Variants in MCM4 observed in about 807,000 individuals in gnomAD.
MCM4 encodes minichromosome maintenance complex component 4.
Under a neutral mutation model 88.7 loss-of-function variants are expected in MCM4, and 60 were observed. The ratio of observed to expected loss-of-function variants is 0.68; its 90% CI spans 0.55 to 0.84. The LOEUF is 0.84. MCM4 is among the 40% of genes least tolerant of loss of function. The pLI, the probability that MCM4 is intolerant of heterozygous loss-of-function variation, is 0.00. For synonymous variants in MCM4, 465 were observed against 410.5 expected (o/e 1.13, Z -1.61); for missense variants, 1,149 against 1,105.5 (o/e 1.04, Z -0.56).
At chr8:47,963,847 A>G (rs900396784) in intron 7 of MCM4, among the ~76,000 whole-genome samples, 1 of 152,256 alleles carries the variant, frequency 6.6e-6, no homozygotes, top group African/African-American at 2.4e-5. Flanking sequence ...ACCTTGGTCA[A>G]GTTCCTTAGC....
Position 47,975,782 on chromosome 8 carries a change from T to C in MCM4, c.2433T>C (p.Ser811=), listed in dbSNP as rs760217666. 1.3e-6 allele frequency: 2 copies of C among 1,588,982 alleles called. No homozygotes were observed. The highest frequency in any genetic ancestry group is 2.7e-5 in the African/African-American group (2 of 73,630). Residue 811 remains serine, a synonymous_variant, in exon 16 of 17, where the codon TCT becomes TCC. Transcript: ENST00000649973. ...LAEALKKLIL[S]KGKTPALKYQ... is the part of the protein sequence containing the mutation. ...AAGCATTGAAAAAGCTTATTTTATCTAAGGGCAAAACACCAGCTCTAAAAT... is the reference window on the plus strand; with the variant it reads ...AAGCATTGAAAAAGCTTATTTTATCCAAGGGCAAAACACCAGCTCTAAAAT...
In MCM4 at chr8:47,968,783, T is replaced by C. The variant is rs536956735; in HGVS notation, c.1175-1015T>C. Among the ~76,000 whole-genome samples, 440 of 152,338 alleles carry C rather than the reference T, an allele frequency of 2.9e-3. 3 individuals are homozygous for C. The highest frequency in any genetic ancestry group is 0.01 in the African/African-American group (431 of 41,574). On this transcript the variant is annotated intron_variant, in intron 10 of 16. Coordinates refer to ENST00000649973, the MANE Select transcript of MCM4 (RefSeq NM_182746.3). ...TGTAACGGGGAAAGGCCAGGCTTTC[T>C]CCAAAAGCTGCAGGAATCAGCCTGG...
chr8:47,972,982 CGGT>C lies in MCM4; in HGVS notation c.2056_2058del (p.Val686del). On this transcript the variant is annotated inframe_deletion, in exon 14 of 17. Transcript: ENST00000649973. Reference sequence around the variant, plus strand: ...GCAGAGGAGGAGCTCCTGGACATGGCGGTGCTAAAGGACTACATTGCCTACGCG... The same window carrying C: ...GCAGAGGAGGAGCTCCTGGACATGGCGCTAAAGGACTACATTGCCTACGCG... The C allele has an allele frequency of 6.2e-7, 1 of 1,614,086 alleles. No individual in the cohort carries two copies. The highest frequency in any genetic ancestry group is 8.5e-7 in the Non-Finnish European group (1 of 1,180,002).
At chr8:47,971,612 C>T (rs1414437707) in intron 13 of MCM4, 144 bp downstream of exon 13, 5 of 816,560 alleles carry the variant, frequency 6.1e-6, no homozygotes, top group East Asian at 2.7e-5. Flanking sequence ...AGAGTTTTCA[C>T]GACAAGGATG....
intron 16 of MCM4, 36 bp from the exon 17 acceptor site, chr8:47,976,650 C>A: frequency 7.0e-7 from 1 of 1,425,610 alleles, no homozygotes; most frequent in Non-Finnish European, 9.9e-7. Flanking sequence ...AGGGACTTGA[C>A]GTGTACAATA....
chr8:47,974,279 G>A (rs1212405989), intron 14 of MCM4: 1 of 158,764 alleles, frequency 6.3e-6, no homozygotes, highest in Non-Finnish European at 1.4e-5. Flanking sequence ...ATCTGTATGT[G>A]AAATTGATAC....
chr8:47,971,233 G>A, intron 12 of MCM4, 108 bp from the exon 13 acceptor site: 4 of 1,329,488 alleles, frequency 3.0e-6, no homozygotes, highest in Non-Finnish European at 4.2e-6. Flanking sequence ...TCAGGCAATA[G>A]AAACTCAGTG....
chr8:47,966,475 C>G, intron 9 of MCM4, 68 bp downstream of exon 9: 1 of 1,446,832 alleles, frequency 6.9e-7, no homozygotes. Flanking sequence ...CCAACTATAA[C>G]TTGTCCCTCG....
In MCM4 at chr8:47,962,062, T is replaced by A. The variant is rs762877087; in HGVS notation, c.245T>A (p.Leu82His). ...PPQMHSSAIP[L>H]DFDVSSPLTY... Reference sequence around the variant, plus strand: ...AATTTTGTTTTTATAGCTATCCCTCTTGACTTTGATGTTAGTTCACCACTG... The same window carrying A: ...AATTTTGTTTTTATAGCTATCCCTCATGACTTTGATGTTAGTTCACCACTG... Residue 82 changes from leucine to histidine, a missense_variant, in exon 4 of 17, where the codon CTT (leucine) becomes CAT (histidine). Physicochemically the swap from Leu to His is moderately conservative, Grantham distance 99. This residue lies in a region of MCM4 where 906 missense variants were observed against 843.0 expected (regional missense o/e 1.07). Transcript: ENST00000649973. The A allele has an allele frequency of 6.2e-7, 1 of 1,614,122 alleles. No individual in the cohort carries two copies. The highest frequency in any genetic ancestry group is 8.5e-7 in the Non-Finnish European group (1 of 1,179,996).
In MCM4 at chr8:47,970,862, C is replaced by G. The variant is rs2090947563; in HGVS notation, c.1786C>G (p.Leu596Val). 1 of 1,594,880 alleles carries G rather than the reference C, an allele frequency of 6.3e-7. No homozygotes were observed. The highest frequency in any genetic ancestry group is 8.6e-7 in the Non-Finnish European group (1 of 1,166,754). The stretch of plus-strand genomic sequence containing the variant: ...GCATGAAGTCATGGAACAGCAGACT[C>G]TGTCCATTGCAAAGGTGAGTCGCCT... ...VLHEVMEQQT[L>V]SIAKAGIICQ... Residue 596 changes from leucine (L) to valine (V), a missense_variant, in exon 12 of 17, where the codon CTG becomes GTG. Physicochemically the swap from Leu to Val is conservative, Grantham distance 32. Around this residue, in one of 3 missense-constraint regions of MCM4, gnomAD observed 906 missense variants for 843.0 expected, o/e 1.07. Coordinates refer to ENST00000649973, the MANE Select transcript of MCM4 (RefSeq NM_182746.3).
In MCM4 at chr8:47,969,898, T is replaced by C. The variant is rs1052670889; in HGVS notation, c.1275T>C (p.Asp425=). Residue 425 remains aspartate, a synonymous_variant, in exon 11 of 17, where the codon GAT becomes GAC. Transcript: ENST00000649973. ...HIDVIHYRKT[D]AKRLHGLDEE... is the part of the protein sequence containing the mutation. ...ATGTCATTCATTATCGGAAAACGGA[T>C]GCAAAACGTCTGCATGGCCTTGATG... 2 of 1,614,212 alleles carry C rather than the reference T, an allele frequency of 1.2e-6. No individual in the cohort carries two copies. Among genetic ancestry groups the C allele is most frequent in the Admixed American group, 1.7e-5 (1 of 60,016 alleles).
chr8:47,968,045 G>T (rs937681681), intron 10 of MCM4, among the ~76,000 whole-genome samples: 1 of 152,184 alleles, frequency 6.6e-6, no homozygotes, highest in African/African-American at 2.4e-5. Flanking sequence ...CAGAACCCAG[G>T]ACCCAGGTCT....
chr8:47,971,369 G>T lies in MCM4; in HGVS notation c.1829G>T (p.Arg610Leu). 6.2e-7 allele frequency: 1 copy of T among 1,614,072 alleles called. No homozygotes were observed. The highest frequency in any genetic ancestry group is 2.2e-5 in the East Asian group (1 of 44,884). Reference protein sequence around the residue: ...KAGIICQLNARTSVLAAANPI... With the variant: ...KAGIICQLNALTSVLAAANPI... ...GGGATCATCTGTCAGCTCAATGCGC[G>T]CACCTCTGTCCTGGCAGCAGCAAAT... Residue 610 changes from arginine (R) to leucine (L), a missense_variant, in exon 13 of 17, where the codon CGC becomes CTC. Physicochemically the swap from Arg to Leu is moderately radical, Grantham distance 102 (BLOSUM62 -2). This residue lies in a region of MCM4 where 906 missense variants were observed against 843.0 expected (regional missense o/e 1.07). Transcript: ENST00000649973.
chr8:47,966,350 C>T lies in MCM4; in HGVS notation c.996C>T (p.His332=). The T allele has an allele frequency of 2.5e-6, 4 of 1,613,970 alleles. No individual in the cohort carries two copies. Among genetic ancestry groups the T allele is most frequent in the Non-Finnish European group, 3.4e-6 (4 of 1,180,004 alleles). The change falls in exon 9 of 17, where the codon CAC becomes CAT. Residue 332 remains histidine, a synonymous_variant. Transcript: ENST00000649973. ...AGCCCAGTGTGTGCGGGCGCTGCCACACCACCCACAGCATGGCACTCATCC... is the reference window on the plus strand; with the variant it reads ...AGCCCAGTGTGTGCGGGCGCTGCCATACCACCCACAGCATGGCACTCATCC... ...IAEPSVCGRC[H]TTHSMALIHN...
At chr8:47,966,582 C>A (rs1238460464) in intron 9 of MCM4, among the ~76,000 whole-genome samples, 175 bp downstream of exon 9, 2 of 152,224 alleles carry the variant, frequency 1.3e-5, no homozygotes, top group African/African-American at 4.8e-5. Context: ...CACGCAAAGC[C>A]CCTGCTTCAG....
At chr8:47,966,448 T>C (rs749545003) in intron 9 of MCM4, 41 bp downstream of exon 9, 37 of 1,541,318 alleles carry the variant, frequency 2.4e-5, no homozygotes, top group Non-Finnish European at 2.5e-5. Flanking sequence ...GCTTTGCCTG[T>C]CTGTATCCTC....
At chr8:47,961,404 CCT>C in intron 2 of MCM4, 110 bp from the exon 3 acceptor site, 3 of 1,585,286 alleles carry the variant, frequency 1.9e-6, no homozygotes, top group East Asian at 4.5e-5. Flanking sequence ...TTGCCATTTG[CCT>C]CTGTTTGGTT....
intron 16 of MCM4, 127 bp downstream of exon 16, chr8:47,975,975 C>T (rs969199626): frequency 2.9e-5 from 21 of 718,962 alleles, no homozygotes; most frequent in African/African-American, 1.9e-4. Context: ...GAAGATGAAC[C>T]ATAAGCCATC....
intron 7 of MCM4, among the ~76,000 whole-genome samples, chr8:47,963,770 G>C (rs2090870533): frequency 6.6e-6 from 1 of 152,136 alleles, no homozygotes; most frequent in Non-Finnish European, 1.5e-5. Context: ...GTTGACTCTG[G>C]GTGTAGTCTT....
Sources: gnomAD v4.1 joint callset for allele counts (sites outside exome capture counted in the v4.1 genomes callset) on GRCh38, gnomAD v4.1.1 for gene constraint, gnomAD v4.1.1 regional missense constraint, MANE v1.5 for transcripts, NCBI Gene and HGNC (gene_info 2026-07-23, HGNC 2026-07-21) for gene names.